The following RGPD8 variants were observed in gnomAD, a reference collection of about 807,000 sequenced individuals.
RGPD8 encodes RANBP2-like and GRIP domain-containing protein 8.
A neutral mutation model predicts 89.1 loss-of-function variants in RGPD8; 15 were observed. That is an observed-to-expected ratio of 0.17 (90% confidence interval 0.11 to 0.26). RGPD8 has a LOEUF of 0.26. Ranked by LOEUF, RGPD8 falls within the 10% of genes least tolerant of loss-of-function variation. The pLI is 1.00. For synonymous variants in RGPD8, 62 were observed against 420.9 expected, an observed-to-expected ratio of 0.15 and a Z score of 10.44; for missense variants, 178 against 1,179.6, an observed-to-expected ratio of 0.15 and a Z score of 12.44.
chr2:112,422,244 G>A (rs1679585207), intron 3 of RGPD8, 132 bp from the exon 4 acceptor site: 2 of 160,344 alleles, frequency 1.2e-5, no homozygotes, highest in Non-Finnish European at 2.4e-5. Context: ...GAGAAAACAT[G>A]TTACTTTAAA....
chr2:112,428,699 A>ACAAT lies in RGPD8; in HGVS notation c.73-4396_73-4393dup, dbSNP rs539283848. Among the ~76,000 whole-genome samples, 100 of 152,234 alleles carry ACAAT rather than the reference A, an allele frequency of 6.6e-4. No homozygotes were observed. In the South Asian group the frequency reaches 7.3e-3, roughly 11 times the overall value. ...TAGTAAGGGTATTCCAGGTAGACAG[A>ACAAT]CAATCAATCAATCAATCAATGTTTT... On this transcript the variant is annotated intron_variant, in intron 1 of 22. Transcript: ENST00000302558.
At chr2:112,430,374 A>C (rs918807154) in intron 1 of RGPD8, among the ~76,000 whole-genome samples, 5 of 152,146 alleles carry the variant, frequency 3.3e-5, no homozygotes, top group African/African-American at 1.2e-4. Context: ...ATAGCTTCAC[A>C]TGTTCCAGTT....
intron 1 of RGPD8, among the ~76,000 whole-genome samples, chr2:112,430,139 A>G (rs897348391): frequency 9.9e-5 from 15 of 152,204 alleles, no homozygotes; most frequent in Non-Finnish European, 1.3e-4. Flanking sequence ...AAATGAAAGC[A>G]CAATGGAAGA....
chr2:112,370,310 AAAT>A (rs1292462101), intron 22 of RGPD8, 98 bp from the exon 23 acceptor site: 1 of 477,670 alleles, frequency 2.1e-6, no homozygotes, highest in East Asian at 9.1e-5. Flanking sequence ...CAATATAAGC[AAAT>A]AATGTCTTTT....
At chr2:112,402,736 TG>T (rs1678916667) in intron 9 of RGPD8, among the ~76,000 whole-genome samples, 2 of 102,324 alleles carry the variant, frequency 2.0e-5, no homozygotes, top group Non-Finnish European at 3.9e-5. Context: ...AAAACTTGGA[TG>T]CCCAATAACA....
Position 112,388,726 on chromosome 2 carries a change from TGGC to T in RGPD8, c.4216_4218del (p.Ala1406del). ...CTCATGTCTGGAGTTATTCTGTGAT[TGGC>T]ACAAAGTTTTAATACTTGGTCCCTT... On this transcript the variant is annotated inframe_deletion, in exon 20 of 23. Transcript: ENST00000302558. The T allele has an allele frequency of 1.6e-6, 1 of 637,768 alleles. No individual in the cohort carries two copies. The highest frequency in any genetic ancestry group is 1.9e-5 in the South Asian group (1 of 53,148). 39.5% of individuals were successfully genotyped at this position (637,768 alleles called of 1,614,324 possible).
At chr2:112,409,727 G>A (rs1249626796) in intron 7 of RGPD8, among the ~76,000 whole-genome samples, 10 of 144,850 alleles carry the variant, frequency 6.9e-5, no homozygotes, top group Admixed American at 5.4e-4. Flanking sequence ...GATCACTTGA[G>A]CCCAGGAGTT....
intron 7 of RGPD8, among the ~76,000 whole-genome samples, chr2:112,408,608 T>C (rs1484292722): frequency 1.3e-5 from 2 of 151,526 alleles, no homozygotes; most frequent in African/African-American, 2.4e-5. Context: ...TATTCAACAG[T>C]TGAATCTGTG....
chr2:112,424,462 G>C (rs936496717), intron 1 of RGPD8, among the ~76,000 whole-genome samples, 155 bp from the exon 2 acceptor site: 22 of 152,098 alleles, frequency 1.4e-4, no homozygotes, highest in Non-Finnish European at 2.4e-4. Flanking sequence ...GCTCATGCCT[G>C]TAATCCCAGC....
At chr2:112,385,623 AG>A (rs1218437762) in intron 20 of RGPD8, among the ~76,000 whole-genome samples, 2 of 133,720 alleles carry the variant, frequency 1.5e-5, no homozygotes, top group Non-Finnish European at 3.3e-5. Flanking sequence ...TATATTAATT[AG>A]AAGTTAAAAT....
chr2:112,381,955 G>C (rs1414772698), intron 20 of RGPD8, among the ~76,000 whole-genome samples: 1 of 152,308 alleles, frequency 6.6e-6, no homozygotes, highest in Non-Finnish European at 1.5e-5. Context: ...TGTTGTCTGT[G>C]AGGGTGTTGC....
intron 1 of RGPD8, among the ~76,000 whole-genome samples, chr2:112,432,064 T>C (rs1054713872): frequency 1.3e-5 from 2 of 152,208 alleles, no homozygotes; most frequent in Non-Finnish European, 2.9e-5. Flanking sequence ...TACAACTCCA[T>C]CTATGGATGA....
intron 21 of RGPD8, 139 bp downstream of exon 21, chr2:112,380,685 A>G: frequency 2.8e-6 from 2 of 710,586 alleles, no homozygotes; most frequent in Non-Finnish European, 4.5e-6. Context: ...AATATTTCTC[A>G]CCATCAGGAA....
intron 2 of RGPD8, 150 bp downstream of exon 2, chr2:112,424,090 G>T: frequency 2.8e-6 from 3 of 1,083,254 alleles, no homozygotes; most frequent in South Asian, 3.2e-5. Context: ...ATCTAGGCTG[G>T]TCCTTAGCAT....
At chr2:112,415,712 CAAAAAA>C (rs1228042690) in intron 6 of RGPD8, among the ~76,000 whole-genome samples, 5 of 91,350 alleles carry the variant, frequency 5.5e-5, no homozygotes, top group Admixed American at 1.1e-4. Flanking sequence ...GACTCTGTCT[CAAAAAA>C]AAAAAAAAAA....
intron 7 of RGPD8, among the ~76,000 whole-genome samples, chr2:112,410,648 T>C (rs1679137922): frequency 6.6e-6 from 1 of 150,726 alleles, no homozygotes. Context: ...CATGGTGGTG[T>C]GTGCCTGTAA....
chr2:112,371,577 G>A (rs1366630564), intron 22 of RGPD8, among the ~76,000 whole-genome samples: 1 of 25,052 alleles, frequency 4.0e-5, no homozygotes, highest in African/African-American at 1.7e-4. Flanking sequence ...GATCTTCCTC[G>A]TTTTTAGCAA....
At chr2:112,408,826 C>T (rs1357094257) in intron 7 of RGPD8, among the ~76,000 whole-genome samples, 1 of 151,902 alleles carries the variant, frequency 6.6e-6, no homozygotes, top group Admixed American at 6.5e-5. Context: ...CACCCGCCAC[C>T]ATGCGTGGCT....
At chr2:112,371,147 A>G (rs1312870684) in intron 22 of RGPD8, among the ~76,000 whole-genome samples, 7 of 147,470 alleles carry the variant, frequency 4.7e-5, no homozygotes, top group Non-Finnish European at 1.0e-4. Flanking sequence ...AACCACAACA[A>G]ACAAAAACCA....
Sources: allele counts gnomAD v4.1 joint callset (sites outside exome capture counted in the v4.1 genomes callset), GRCh38; gene constraint gnomAD v4.1.1; transcripts MANE v1.5; gene names NCBI Gene and HGNC (gene_info 2026-07-23, HGNC 2026-07-21).